Variants in ZNF790 observed in about 807,000 individuals in gnomAD.
The protein encoded by ZNF790 is zinc finger protein 790.
In ZNF790, 8 loss-of-function variants were observed where a neutral mutation model predicts 12.1. The ratio of observed to expected loss-of-function variants is 0.66; its 90% CI spans 0.39 to 1.19. ZNF790 has a LOEUF of 1.19. Ranked by LOEUF, ZNF790 falls within the 50% of genes most tolerant of loss-of-function variation. The pLI is 0.01. For synonymous variants in ZNF790, 252 were observed against 244.3 expected, an observed-to-expected ratio of 1.03 and a Z score of -0.29; for missense variants, 707 against 752.2, an observed-to-expected ratio of 0.94 and a Z score of 0.70.
chr19:36,828,293 G>A (rs548905653), intron 1 of ZNF790, among the ~76,000 whole-genome samples: 6 of 152,000 alleles, frequency 3.9e-5, no homozygotes, highest in Admixed American at 1.3e-4. Flanking sequence ...GACAAACCTC[G>A]TCTTAATTAA....
chr19:36,847,386 A>C (rs2072189991), intron 1 of ZNF790, among the ~76,000 whole-genome samples: 1 of 151,862 alleles, frequency 6.6e-6, no homozygotes, highest in South Asian at 2.1e-4. Context: ...AAACAAAAAC[A>C]CTTGTTCTTT....
chr19:36,828,779 A>C (rs889142485), intron 1 of ZNF790, among the ~76,000 whole-genome samples: 3 of 152,204 alleles, frequency 2.0e-5, no homozygotes, highest in Non-Finnish European at 2.9e-5. Flanking sequence ...ATGTCCAGCC[A>C]AAAACTAATT....
At chr19:36,820,837 G>A (rs1371148154) in intron 4 of ZNF790, among the ~76,000 whole-genome samples, 1 of 151,896 alleles carries the variant, frequency 6.6e-6, no homozygotes, top group Non-Finnish European at 1.5e-5. Context: ...TGAGGCTGCA[G>A]GGAGCCATGA....
intron 1 of ZNF790, among the ~76,000 whole-genome samples, chr19:36,845,191 AG>A (rs1166746074): frequency 6.6e-6 from 1 of 151,580 alleles, no homozygotes; most frequent in Admixed American, 6.6e-5. Context: ...GCCAAGGTGG[AG>A]GTTCATTTGC....
chr19:36,837,951 A>G (rs1266725829), intron 1 of ZNF790: 1 of 152,214 alleles, frequency 6.6e-6, no homozygotes, highest in Non-Finnish European at 1.5e-5. Flanking sequence ...GCAAAGCTCA[A>G]TTCTTTGTTT....
At chr19:36,823,174 G>T in intron 4 of ZNF790, 111 bp downstream of exon 4, 1 of 959,482 alleles carries the variant, frequency 1.0e-6, no homozygotes. Context: ...CCATTTTTTG[G>T]TCTTAAGGGG....
At chr19:36,823,606 G>A in intron 3 of ZNF790, 61 bp downstream of exon 3, 2 of 1,576,444 alleles carry the variant, frequency 1.3e-6, no homozygotes, top group Admixed American at 4.1e-5. Flanking sequence ...ACATTTAAAA[G>A]ACAATAAAAA....
chr19:36,827,141 CATATATATATATATATAT>C lies in ZNF790; in HGVS notation c.-73-1467_-73-1450del, dbSNP rs369671729. ...ATACACACACACACACACACACACA[CATATATATATATATATAT>C]ATATATATATATATATATACACTTA... On this transcript the variant is annotated intron_variant, in intron 1 of 4. Coordinates refer to ENST00000356725, the MANE Select transcript of ZNF790 (RefSeq NM_206894.4). 2.8e-3 allele frequency among the ~76,000 whole-genome samples: 233 copies of C among 84,444 alleles called. 3 individuals are homozygous for C. Among genetic ancestry groups the C allele is most frequent in the Admixed American group, 3.6e-3 (26 of 7,226 alleles). The allele number at this position is 84,444 out of a possible 152,430, so 55.4% of individuals were successfully genotyped here.
rs1458062792 is a variant in ZNF790 at position 36,838,354 on chromosome 19, T to A, written c.-91A>T. The stretch of plus-strand genomic sequence containing the variant: ...TCACTCACCCGGCCCTGCGGTCCCT[T>A]GATGGTGGAAGGTTCCGCGATCTTT... On this transcript the variant is annotated 5_prime_UTR_variant, in exon 1 of 5. Coordinates refer to ENST00000356725, the MANE Select transcript of ZNF790 (RefSeq NM_206894.4). This position sits in a 1 kb window ranked among gnomAD's most constrained non-coding sequence, Gnocchi z 4.4. The A allele has an allele frequency of 6.6e-6, 1 of 152,342 alleles. No homozygotes were observed. The highest frequency in any genetic ancestry group is 1.9e-4 in the East Asian group (1 of 5,196). The allele number at this position is 152,342 out of a possible 1,614,324, so 9.4% of individuals were successfully genotyped here.
intron 1 of ZNF790, among the ~76,000 whole-genome samples, chr19:36,834,243 C>CAAAA (rs751627349): frequency 3.3e-3 from 113 of 33,964 alleles, no homozygotes; most frequent in African/African-American, 5.4e-3. Context: ...AACTCCATCT[C>CAAAA]AAAAAAAAAA....
intron 1 of ZNF790, among the ~76,000 whole-genome samples, chr19:36,827,141 C>CATATATATACATAT (rs2071836249): frequency 1.2e-5 from 1 of 84,440 alleles, no homozygotes; most frequent in African/African-American, 5.5e-5. Flanking sequence ...CACACACACA[C>CATATATATACATAT]ATATATATAT....
chr19:36,833,674 CAAAT>C (rs2071985745), intron 1 of ZNF790, among the ~76,000 whole-genome samples: 2 of 152,098 alleles, frequency 1.3e-5, no homozygotes, highest in South Asian at 4.2e-4. Context: ...GATTTCAGAG[CAAAT>C]AAATAACATG....
chr19:36,821,260 G>A (rs1480955748), intron 4 of ZNF790, among the ~76,000 whole-genome samples: 2 of 152,006 alleles, frequency 1.3e-5, no homozygotes, highest in Non-Finnish European at 2.9e-5. Flanking sequence ...AGGCAGTTTA[G>A]TTACAAAGTA....
chr19:36,835,213 A>C (rs1311024166), intron 1 of ZNF790, among the ~76,000 whole-genome samples: 4 of 151,992 alleles, frequency 2.6e-5, no homozygotes, highest in African/African-American at 9.7e-5. Flanking sequence ...TGCTTGAACC[A>C]GAAGTTGCGG....
At chr19:36,835,042 CTT>C (rs973016453) in intron 1 of ZNF790, among the ~76,000 whole-genome samples, 1 of 152,200 alleles carries the variant, frequency 6.6e-6, no homozygotes, top group Non-Finnish European at 1.5e-5. Flanking sequence ...AATCCCAGCA[CTT>C]TGGGAGGCCA....
rs1439445144 is a variant in ZNF790 at position 36,817,608 on chromosome 19, AC to A, written c.*824del. On this transcript the variant is annotated 3_prime_UTR_variant, in exon 5 of 5. Coordinates refer to ENST00000356725, the MANE Select transcript of ZNF790 (RefSeq NM_206894.4). ...AGTCATGTAAATCTCAAATCATTCA[AC>A]CCTTATAATCTAATGAATACGATTA... is the stretch of plus-strand genomic sequence containing the variant. The A allele has an allele frequency of 1.3e-5, 2 of 152,000 alleles. No individual in the cohort carries two copies. The highest frequency in any genetic ancestry group is 3.9e-4 in the East Asian group (2 of 5,166). 9.4% of individuals were successfully genotyped at this position (152,000 alleles called of 1,614,324 possible).
At chr19:36,825,521 A>G in intron 2 of ZNF790, 90 bp downstream of exon 2, 1 of 1,268,854 alleles carries the variant, frequency 7.9e-7, no homozygotes, top group Non-Finnish European at 1.2e-6. Context: ...ATAGTGATTC[A>G]GGTAAGCAGT....
intron 1 of ZNF790, among the ~76,000 whole-genome samples, chr19:36,844,743 GAAC>G (rs2072161397): frequency 6.6e-6 from 1 of 152,086 alleles, no homozygotes; most frequent in African/African-American, 2.4e-5. Flanking sequence ...ATTGCCATCA[GAAC>G]ACCACTAAAA....
chr19:36,847,275 C>T (rs999132150), intron 1 of ZNF790, among the ~76,000 whole-genome samples: 9 of 151,364 alleles, frequency 5.9e-5, no homozygotes, highest in African/African-American at 2.2e-4. Flanking sequence ...TGCTTGAACC[C>T]GGGAGGCAGT....
Sources: gnomAD v4.1 joint callset for allele counts (sites outside exome capture counted in the v4.1 genomes callset) on GRCh38, gnomAD v4.1.1 for gene constraint, Gnocchi (gnomAD v3.1) non-coding constraint, MANE v1.5 for transcripts, NCBI Gene and HGNC (gene_info 2026-07-23, HGNC 2026-07-21) for gene names.